Variants in GALNT3 observed in about 807,000 individuals in gnomAD.
The protein encoded by GALNT3 is polypeptide N-acetylgalactosaminyltransferase 3, also known as GalNAc transferase 3.
Under a neutral mutation model 69.8 loss-of-function variants are expected in GALNT3, and 51 were observed. That is an observed-to-expected ratio of 0.73 (90% CI 0.58 to 0.92). The LOEUF is 0.92. Among genes scored for constraint, GALNT3 ranks in the 40% least tolerant of loss-of-function variants. The pLI, the probability that GALNT3 is intolerant of heterozygous loss-of-function variation, is 0.00. For missense variants in GALNT3, 711 were observed against 760.0 expected, an observed-to-expected ratio of 0.94 and a Z score of 0.76; for synonymous variants, 265 against 248.5, an observed-to-expected ratio of 1.07 and a Z score of -0.63.
chr2:165,783,295 G>T (rs1040597126), intron 1 of GALNT3, among the ~76,000 whole-genome samples: 4 of 152,130 alleles, frequency 2.6e-5, no homozygotes, highest in Non-Finnish European at 4.4e-5. Context: ...GGATGGGCAG[G>T]TTGCATTCAA....
At position 165,749,772 on chromosome 2, in the gene GALNT3, G is replaced by A. The variant is rs1423590125; in HGVS notation, c.1749C>T (p.Val583=). 1 of 1,613,566 alleles carries A rather than the reference G, an allele frequency of 6.2e-7. No homozygotes were observed. Among genetic ancestry groups the A allele is most frequent in the Non-Finnish European group, 8.5e-7 (1 of 1,179,546 alleles). Residue 583 remains valine (V), a synonymous_variant, in exon 10 of 11, where the codon GTC becomes GTT. Coordinates refer to ENST00000392701, the MANE Select transcript of GALNT3 (RefSeq NM_004482.4). ...GGATCTCCCATATCTGCTCTCCAGT[G>A]ACAACTGTCTTGTGACCTTTGTAGG... The part of the protein sequence containing the change: ...ACTYKGHKTV[V]TGEQIWEIQK...
At chr2:165,765,474 T>A (rs1216502077) in intron 2 of GALNT3, among the ~76,000 whole-genome samples, 2 of 150,966 alleles carry the variant, frequency 1.3e-5, no homozygotes, top group African/African-American at 4.9e-5. Flanking sequence ...ATTTGCAACT[T>A]TAAAAATTGT....
Position 165,777,028 on chromosome 2 carries a change from A to C in GALNT3, c.-108-6220T>G, listed in dbSNP as rs532469278. On this transcript the variant is annotated intron_variant, in intron 1 of 10. Transcript: ENST00000392701. ...TTGTTCATTTAACCTAAAAATTCCA[A>C]CTGTAGCAATTTTCTGAAGTAGTGG... Among the ~76,000 whole-genome samples, 4 of 152,316 alleles carry C rather than the reference A, an allele frequency of 2.6e-5. No individual in the cohort carries two copies. In the South Asian group the frequency reaches 8.3e-4, roughly 32 times the overall value.
At chr2:165,759,271 A>G in intron 5 of GALNT3, 65 bp downstream of exon 5, 1 of 1,262,056 alleles carries the variant, frequency 7.9e-7, no homozygotes, top group Non-Finnish European at 1.1e-6. Flanking sequence ...TAAAGCAAAC[A>G]GTGTGTACAT....
chr2:165,754,652 G>A lies in GALNT3; in HGVS notation c.1601C>T (p.Thr534Ile), dbSNP rs1302616287. 1 of 1,612,994 alleles carries A rather than the reference G, an allele frequency of 6.2e-7. No individual in the cohort carries two copies. Among genetic ancestry groups the A allele is most frequent in the East Asian group, 2.2e-5 (1 of 44,844 alleles). The change falls in exon 9 of 11, where the codon ACA (threonine) becomes ATA (isoleucine). Residue 534 changes from threonine (T) to isoleucine (I), a missense_variant. Physicochemically the swap from Thr to Ile is moderately conservative, Grantham distance 89 (BLOSUM62 -1). Coordinates refer to ENST00000392701, the MANE Select transcript of GALNT3 (RefSeq NM_004482.4). ...CTGGTTTCCCCCAAGTCCATGACATGTATACATAATTAATGGTTTGCCTCC... is the reference window on the plus strand; with the variant it reads ...CTGGTTTCCCCCAAGTCCATGACATATATACATAATTAATGGTTTGCCTCC... The part of the protein sequence containing the change: ...NQGGKPLIMY[T>I]CHGLGGNQYF...
At chr2:165,788,398 A>C (rs1056955744) in intron 1 of GALNT3, among the ~76,000 whole-genome samples, 4 of 151,360 alleles carry the variant, frequency 2.6e-5, no homozygotes, top group South Asian at 2.1e-4. Context: ...TTTCTACCCC[A>C]AAATTTTTAT....
chr2:165,780,429 G>A (rs914964726), intron 1 of GALNT3, among the ~76,000 whole-genome samples: 15 of 151,984 alleles, frequency 9.9e-5, no homozygotes, highest in South Asian at 4.2e-4. Context: ...ACTACCCATC[G>A]ATGACCAATA....
chr2:165,787,456 T>A (rs76181702), intron 1 of GALNT3, among the ~76,000 whole-genome samples: 2,146 of 152,266 alleles, frequency 0.014, 31 homozygotes, highest in African/African-American at 0.038. Flanking sequence ...GGGTATAACA[T>A]AACCACATAT....
intron 10 of GALNT3, among the ~76,000 whole-genome samples, chr2:165,749,396 T>C (rs986032399): frequency 1.3e-5 from 2 of 152,076 alleles, no homozygotes; most frequent in African/African-American, 4.8e-5. Context: ...TGAGAAGATA[T>C]AATAATTTTT....
At chr2:165,770,085 G>A in intron 2 of GALNT3, 101 bp downstream of exon 2, 1 of 1,328,508 alleles carries the variant, frequency 7.5e-7, no homozygotes, top group East Asian at 2.4e-5. Flanking sequence ...CTGATTTTCT[G>A]CCTTAGAGTA....
intron 1 of GALNT3, among the ~76,000 whole-genome samples, chr2:165,775,823 C>G (rs1221502310): frequency 6.6e-6 from 1 of 152,098 alleles, no homozygotes; most frequent in East Asian, 1.9e-4. Context: ...ATATTTTGGG[C>G]AAATCAAAAC....
chr2:165,786,617 T>C (rs1311025855), intron 1 of GALNT3, among the ~76,000 whole-genome samples: 1 of 152,238 alleles, frequency 6.6e-6, no homozygotes, highest in East Asian at 1.9e-4. Flanking sequence ...TATTTTTTAT[T>C]GTTGTGTTAC....
chr2:165,770,933 A>T, intron 1 of GALNT3, 125 bp from the exon 2 acceptor site: 1 of 411,878 alleles, frequency 2.4e-6, no homozygotes, highest in Non-Finnish European at 4.3e-6. Flanking sequence ...TGAGAATACA[A>T]AGATATCTTG....
Position 165,770,343 on chromosome 2 carries a change from C to G in GALNT3, c.358G>C (p.Ala120Pro). 6.2e-7 allele frequency: 1 copy of G among 1,614,156 alleles called. No individual in the cohort carries two copies. Reference sequence around the variant, plus strand: ...AATGCTTTACCAGAAGCACCAGGTGCATTTGAATCCTGAGGTGGACGGTCA... The same window carrying G: ...AATGCTTTACCAGAAGCACCAGGTGGATTTGAATCCTGAGGTGGACGGTCA... ...VLDRPPQDSN[A>P]PGASGKAFKT... The change falls in exon 2 of 11, where the codon GCA (alanine) becomes CCA (proline). Residue 120 changes from alanine to proline, a missense_variant. Physicochemically the swap from Ala to Pro is conservative, Grantham distance 27. Coordinates refer to ENST00000392701, the MANE Select transcript of GALNT3 (RefSeq NM_004482.4).
chr2:165,770,727 C>T lies in GALNT3; in HGVS notation c.-27G>A, dbSNP rs767294729. The T allele has an allele frequency of 1.9e-6, 3 of 1,596,734 alleles. No individual in the cohort carries two copies. Among genetic ancestry groups the T allele is most frequent in the Non-Finnish European group, 1.7e-6 (2 of 1,178,182 alleles). On this transcript the variant is annotated 5_prime_UTR_variant, in exon 2 of 11. Coordinates refer to ENST00000392701, the MANE Select transcript of GALNT3 (RefSeq NM_004482.4). ...CTGACATTAAAAGCTTGTCACTTGA[C>T]AAATAACAGTTATTTCTTCTTCTGT...
intron 2 of GALNT3, among the ~76,000 whole-genome samples, chr2:165,766,679 C>A (rs1173701792): frequency 6.6e-6 from 1 of 152,246 alleles, no homozygotes; most frequent in Non-Finnish European, 1.5e-5. Flanking sequence ...AAAAGCCCAT[C>A]ACCCTTCAGT....
At position 165,756,280 on chromosome 2, in the gene GALNT3, A is replaced by T. The variant is rs1422107502; in HGVS notation, c.1392+767T>A. Among the ~76,000 whole-genome samples, 8 of 152,332 alleles carry T rather than the reference A, an allele frequency of 5.3e-5. No homozygotes were observed. The East Asian group carries it at 1.5e-3, about 29-fold the overall frequency. On this transcript the variant is annotated intron_variant, in intron 7 of 10. Coordinates refer to ENST00000392701, the MANE Select transcript of GALNT3 (RefSeq NM_004482.4). ...AGAGATGAGTACTATACACTGAAGC[A>T]TGGTCTTAAACTATCTAGTTAATTT...
chr2:165,790,433 A>G (rs1339404738), intron 1 of GALNT3, among the ~76,000 whole-genome samples: 5 of 152,196 alleles, frequency 3.3e-5, no homozygotes, highest in African/African-American at 9.7e-5. Context: ...ATTACATAGT[A>G]TGAATTATTT....
chr2:165,759,254 A>G (rs1688499895), intron 5 of GALNT3, 82 bp downstream of exon 5: 1 of 1,093,908 alleles, frequency 9.1e-7, no homozygotes, highest in Admixed American at 2.0e-5. Flanking sequence ...CTCAGAGGCA[A>G]TTGCTATAAA....
Sources: allele counts gnomAD v4.1 joint callset (sites outside exome capture counted in the v4.1 genomes callset), GRCh38; gene constraint gnomAD v4.1.1; transcripts MANE v1.5; gene names NCBI Gene and HGNC (gene_info 2026-07-23, HGNC 2026-07-21).